Variants in PLEKHG3 observed in about 807,000 individuals in gnomAD.
The protein encoded by PLEKHG3 is pleckstrin homology and RhoGEF domain containing G3.
PLEKHG3 carries 62 observed loss-of-function variants against 94.9 expected under a neutral mutation model. The observed-to-expected ratio is 0.65, with a 90% CI of 0.53 to 0.81. The LOEUF is 0.81. Among genes scored for constraint, PLEKHG3 ranks in the 30% least tolerant of loss-of-function variants. The pLI, the probability that PLEKHG3 is intolerant of heterozygous loss-of-function variation, is 0.00. For synonymous variants in PLEKHG3, 614 were observed against 654.0 expected (o/e 0.94, Z 0.93); for missense variants, 1,461 against 1,619.3 (o/e 0.90, Z 1.68).
rs1487860339 is a variant in PLEKHG3 at position 64,748,529 on chromosome 14, T to A, written c.*4826T>A. Reference sequence around the variant, plus strand: ...AATGGTCTGACCTTGCTGCCCTTCCTGGGACCGCCTGTGGTGGCACAAAGG... The same window carrying A: ...AATGGTCTGACCTTGCTGCCCTTCCAGGGACCGCCTGTGGTGGCACAAAGG... On this transcript the variant is annotated 3_prime_UTR_variant, in exon 17 of 17. Transcript: ENST00000247226. 6.6e-6 allele frequency: 1 copy of A among 152,330 alleles called. No homozygotes were observed. Among genetic ancestry groups the A allele is most frequent in the Non-Finnish European group, 1.5e-5 (1 of 68,126 alleles). The allele number at this position is 152,330 out of a possible 1,614,324, so 9.4% of individuals were successfully genotyped here. A position where few individuals can be genotyped will look rare whatever the true frequency, so the allele number is the denominator to read the frequency against.
Position 64,725,629 on chromosome 14 carries a change from G to A in PLEKHG3, c.-39-1964G>A, listed in dbSNP as rs1343847371. The stretch of plus-strand genomic sequence containing the variant: ...GGCTCTCTTCTGAGCAGCTCAAAGA[G>A]CTTTACCAAAATGATCCTGCTAATT... On this transcript the variant is annotated intron_variant, in intron 1 of 16. Coordinates refer to ENST00000247226, the MANE Select transcript of PLEKHG3 (RefSeq NM_001308147.2). The surrounding 1 kb of genome is among the most constrained non-coding windows in gnomAD (Gnocchi z 5.0). Among the ~76,000 whole-genome samples, 1 of 152,200 alleles carries A rather than the reference G, an allele frequency of 6.6e-6. No individual in the cohort carries two copies. The highest frequency in any genetic ancestry group is 1.5e-5 in the Non-Finnish European group (1 of 68,032).
In PLEKHG3 at chr14:64,749,831, T is replaced by C; in HGVS notation, c.*6128T>C. The C allele has an allele frequency of 6.8e-7, 1 of 1,480,048 alleles. No homozygotes were observed. Among genetic ancestry groups the C allele is most frequent in the East Asian group, 2.4e-5 (1 of 42,188 alleles). 91.7% of individuals were successfully genotyped at this position (1,480,048 alleles called of 1,614,324 possible). On this transcript the variant is annotated 3_prime_UTR_variant, in exon 17 of 17. Transcript: ENST00000247226. This position sits in a 1 kb window ranked among gnomAD's most constrained non-coding sequence, Gnocchi z 4.7. ...AGGCAGCCCAGCACTTTCTGAGAGG[T>C]CAAAGTCTGGACCATCAGCCTCTTT...
In PLEKHG3 at chr14:64,730,117, G is replaced by A. The variant is rs2081430576; in HGVS notation, c.450-126G>A. ...GGCAGGACTCCCTCTGAGGCTAGAA[G>A]CCCCAGTTCTTTAGCAAAGCAATAG... On this transcript the variant is annotated intron_variant, in intron 3 of 16. Coordinates refer to ENST00000247226, the MANE Select transcript of PLEKHG3 (RefSeq NM_001308147.2). The surrounding 1 kb of genome is among the most constrained non-coding windows in gnomAD (Gnocchi z 5.4). 5 of 613,094 alleles carry A rather than the reference G, an allele frequency of 8.2e-6. No homozygotes were observed. The East Asian group carries it at 1.1e-4, about 14-fold the overall frequency. 38.0% of individuals were successfully genotyped at this position (613,094 alleles called of 1,614,324 possible). A position where few individuals can be genotyped will look rare whatever the true frequency, so the allele number is the denominator to read the frequency against.
In PLEKHG3 at chr14:64,741,514, C is replaced by A. The variant is rs770122446; in HGVS notation, c.1997C>A (p.Ser666Tyr). 2.5e-6 allele frequency: 4 copies of A among 1,612,872 alleles called. No individual in the cohort carries two copies. Among genetic ancestry groups the A allele is most frequent in the South Asian group, 1.1e-5 (1 of 91,074 alleles). Residue 666 changes from serine (S) to tyrosine (Y), a missense_variant, in exon 16 of 17, where the codon TCC becomes TAC. By Grantham distance (144) the Ser-to-Tyr change is moderately radical. Transcript: ENST00000247226. ...ACAGACTCCCTCAGCTGTCAGCTCT[C>A]CCCAGAAGTGGACATCAGTGTGGGG... ...SATDSLSCQL[S>Y]PEVDISVGVA...
rs374435856 is a variant in PLEKHG3, at chr14:64,730,744, C to A, written c.567-55C>A. The A allele has an allele frequency of 8.7e-6, 14 of 1,612,128 alleles. 1 individual carries two copies. Among genetic ancestry groups the A allele is most frequent in the Non-Finnish European group, 2.5e-6 (3 of 1,178,416 alleles). ...GCCATTTGGTGAGTCCAGAGCCCCC[C>A]ACTTCCTCATCCAGGCCTTCCCCAG... is the stretch of plus-strand genomic sequence containing the variant. On this transcript the variant is annotated intron_variant, in intron 5 of 16. Transcript: ENST00000247226. This position sits in a 1 kb window ranked among gnomAD's most constrained non-coding sequence, Gnocchi z 5.4.
chr14:64,746,736 G>A lies in PLEKHG3; in HGVS notation c.*3033G>A, dbSNP rs2081849015. On this transcript the variant is annotated 3_prime_UTR_variant, in exon 17 of 17. Transcript: ENST00000247226. The surrounding 1 kb of genome is among the most constrained non-coding windows in gnomAD (Gnocchi z 4.9). ...AGAGTCAGTTGAGGCTGGGACAAAG[G>A]GGAAGGAGAGAGGGAAGGAGGACCG... The A allele has an allele frequency of 6.6e-6, 1 of 152,618 alleles. No homozygotes were observed. Among genetic ancestry groups the A allele is most frequent in the Non-Finnish European group, 1.5e-5 (1 of 68,142 alleles). 9.5% of individuals were successfully genotyped at this position (152,618 alleles called of 1,614,324 possible).
rs2081488497 is a variant in PLEKHG3, at chr14:64,732,551, A to G, written c.1246+91A>G. Reference sequence around the variant, plus strand: ...TGGGGAAGCTTTACCTGATAATTTTATTCCAGGAGCAGGGAGGGCGGGGGT... The same window carrying G: ...TGGGGAAGCTTTACCTGATAATTTTGTTCCAGGAGCAGGGAGGGCGGGGGT... On this transcript the variant is annotated intron_variant, in intron 11 of 16. Coordinates refer to ENST00000247226, the MANE Select transcript of PLEKHG3 (RefSeq NM_001308147.2). The surrounding 1 kb of genome is among the most constrained non-coding windows in gnomAD (Gnocchi z 4.9). The G allele has an allele frequency of 9.0e-7, 1 of 1,108,128 alleles. No homozygotes were observed. The highest frequency in any genetic ancestry group is 1.4e-6 in the Non-Finnish European group (1 of 725,400). 68.6% of individuals were successfully genotyped at this position (1,108,128 alleles called of 1,614,324 possible).
Position 64,744,483 on chromosome 14 carries a change from C to T in PLEKHG3, c.*780C>T, listed in dbSNP as rs1049687813. On this transcript the variant is annotated 3_prime_UTR_variant, in exon 17 of 17. Coordinates refer to ENST00000247226, the MANE Select transcript of PLEKHG3 (RefSeq NM_001308147.2). Reference sequence around the variant, plus strand: ...ACTTGGGCTTATGAAACATAAGGCACCCGGGTACTGGTGGGGGAGGTGGGG... The same window carrying T: ...ACTTGGGCTTATGAAACATAAGGCATCCGGGTACTGGTGGGGGAGGTGGGG... The T allele has an allele frequency of 6.6e-6, 1 of 152,336 alleles. No homozygotes were observed. The highest frequency in any genetic ancestry group is 6.5e-5 in the Admixed American group (1 of 15,278). The allele number at this position is 152,336 out of a possible 1,614,324, so 9.4% of individuals were successfully genotyped here.
Position 64,738,276 on chromosome 14 carries a change from C to A in PLEKHG3, c.1405-466C>A. ...CTCCTTGCATGCTCCCTGGGATGTGCATGCCCACCCGAGGGCCCCCTCTGC... is the reference window on the plus strand; with the variant it reads ...CTCCTTGCATGCTCCCTGGGATGTGAATGCCCACCCGAGGGCCCCCTCTGC... On this transcript the variant is annotated intron_variant, in intron 14 of 16. Coordinates refer to ENST00000247226, the MANE Select transcript of PLEKHG3 (RefSeq NM_001308147.2). This position sits in a 1 kb window ranked among gnomAD's most constrained non-coding sequence, Gnocchi z 4.8. 1 of 1,178,454 alleles carries A rather than the reference C, an allele frequency of 8.5e-7. No individual in the cohort carries two copies. Among genetic ancestry groups the A allele is most frequent in the Non-Finnish European group, 1.1e-6 (1 of 893,764 alleles). 73.0% of individuals were successfully genotyped at this position (1,178,454 alleles called of 1,614,324 possible).
chr14:64,746,848 C>T lies in PLEKHG3; in HGVS notation c.*3145C>T, dbSNP rs1017654577. 5.3e-5 allele frequency: 8 copies of T among 151,612 alleles called. No individual in the cohort carries two copies. Among genetic ancestry groups the T allele is most frequent in the Non-Finnish European group, 7.4e-5 (5 of 67,948 alleles). 9.4% of individuals were successfully genotyped at this position (151,612 alleles called of 1,614,324 possible). On this transcript the variant is annotated 3_prime_UTR_variant, in exon 17 of 17. Coordinates refer to ENST00000247226, the MANE Select transcript of PLEKHG3 (RefSeq NM_001308147.2). This position sits in a 1 kb window ranked among gnomAD's most constrained non-coding sequence, Gnocchi z 4.9. ...GTGTGGACTGGAGCTGTGTCAACCT[C>T]GTTTGGGAATACTGTCAAAAGACTG... is the stretch of plus-strand genomic sequence containing the variant.
rs1357302386 is a variant in PLEKHG3, at chr14:64,731,094, C to T, written c.774C>T (p.Ala258=). 1 of 1,612,852 alleles carries T rather than the reference C, an allele frequency of 6.2e-7. No individual in the cohort carries two copies. The highest frequency in any genetic ancestry group is 8.5e-7 in the Non-Finnish European group (1 of 1,178,956). ...ATGGCTTTGAGGTGGTGGAGGATGC[C>T]ATTGACACCATGACCTGTGTGGCCT... ...EEDGFEVVED[A]IDTMTCVAWY... The change falls in exon 7 of 17, where the codon GCC becomes GCT. Residue 258 remains alanine (A), a synonymous_variant. Coordinates refer to ENST00000247226, the MANE Select transcript of PLEKHG3 (RefSeq NM_001308147.2). This position sits in a 1 kb window ranked among gnomAD's most constrained non-coding sequence, Gnocchi z 6.1.
chr14:64,732,937 C>T lies in PLEKHG3; in HGVS notation c.1345+36C>T. 1 of 1,326,244 alleles carries T rather than the reference C, an allele frequency of 7.5e-7. No individual in the cohort carries two copies. Among genetic ancestry groups the T allele is most frequent in the Non-Finnish European group, 1.1e-6 (1 of 934,004 alleles). 82.2% of individuals were successfully genotyped at this position (1,326,244 alleles called of 1,614,324 possible). On this transcript the variant is annotated intron_variant, in intron 12 of 16. Coordinates refer to ENST00000247226, the MANE Select transcript of PLEKHG3 (RefSeq NM_001308147.2). The surrounding 1 kb of genome is among the most constrained non-coding windows in gnomAD (Gnocchi z 4.9). ...GGCTGTGGAGGCAGGAGGCCTCTCC[C>T]TCACACCCTTGCCCAGACTGGGGAC...
chr14:64,727,464 A>G lies in PLEKHG3; in HGVS notation c.-39-129A>G. 1 of 585,732 alleles carries G rather than the reference A, an allele frequency of 1.7e-6. No homozygotes were observed. Among genetic ancestry groups the G allele is most frequent in the Non-Finnish European group, 3.1e-6 (1 of 327,438 alleles). The allele number at this position is 585,732 out of a possible 1,614,324, so 36.3% of individuals were successfully genotyped here. A position where few individuals can be genotyped will look rare whatever the true frequency, so the allele number is the denominator to read the frequency against. Reference sequence around the variant, plus strand: ...TATCCACAGAACCTTTTCATCTTCTAAAACTGAACTCTGGATGCACTAAAT... The same window carrying G: ...TATCCACAGAACCTTTTCATCTTCTGAAACTGAACTCTGGATGCACTAAAT... On this transcript the variant is annotated intron_variant, in intron 1 of 16. Transcript: ENST00000247226. The surrounding 1 kb of genome is among the most constrained non-coding windows in gnomAD (Gnocchi z 6.0).
chr14:64,727,197 G>C lies in PLEKHG3; in HGVS notation c.-39-396G>C, dbSNP rs1403757562. Among the ~76,000 whole-genome samples, 1 of 152,148 alleles carries C rather than the reference G, an allele frequency of 6.6e-6. No homozygotes were observed. The highest frequency in any genetic ancestry group is 1.9e-4 in the East Asian group (1 of 5,186). On this transcript the variant is annotated intron_variant, in intron 1 of 16. Coordinates refer to ENST00000247226, the MANE Select transcript of PLEKHG3 (RefSeq NM_001308147.2). This position sits in a 1 kb window ranked among gnomAD's most constrained non-coding sequence, Gnocchi z 6.0. ...AGGGACTAAGTACTGTGCCCCAGCA[G>C]TGGGGCTGGGCTGTGAATTCCTTAG...
rs750905898 is a variant in PLEKHG3, at chr14:64,743,594, C to A, written c.3551C>A (p.Ala1184Glu). Residue 1184 changes from alanine (A) to glutamate (E), a missense_variant, in exon 17 of 17, where the codon GCA (alanine) becomes GAA (glutamate). Physicochemically the swap from Ala to Glu is moderately radical, Grantham distance 107 (BLOSUM62 -1). This residue lies in a region of PLEKHG3 where 1,201 missense variants were observed against 1,295.5 expected (regional missense o/e 0.93). Coordinates refer to ENST00000247226, the MANE Select transcript of PLEKHG3 (RefSeq NM_001308147.2). This position sits in a 1 kb window ranked among gnomAD's most constrained non-coding sequence, Gnocchi z 7.2. ...CAGGTTCAGGACTTCCAGCAGTCTG[C>A]AGAGTGCCAGCCGAAGGAAGAGGGT... ...LGQVQDFQQSAECQPKEEGSR... is the reference protein window; with the variant it reads ...LGQVQDFQQSEECQPKEEGSR... The A allele has an allele frequency of 2.5e-6, 4 of 1,612,948 alleles. No homozygotes were observed. The South Asian group carries it at 4.4e-5, about 18-fold the overall frequency.
At position 64,738,429 on chromosome 14, in the gene PLEKHG3, G is replaced by A. The variant is rs1044238300; in HGVS notation, c.1405-313G>A. ...AGTACTGGGCACTAATCAATATAACGCCCAACAAGCATGACAAGTGGGGTG... is the reference window on the plus strand; with the variant it reads ...AGTACTGGGCACTAATCAATATAACACCCAACAAGCATGACAAGTGGGGTG... On this transcript the variant is annotated intron_variant, in intron 14 of 16. Coordinates refer to ENST00000247226, the MANE Select transcript of PLEKHG3 (RefSeq NM_001308147.2). The surrounding 1 kb of genome is among the most constrained non-coding windows in gnomAD (Gnocchi z 4.8). 6.6e-6 allele frequency among the ~76,000 whole-genome samples: 1 copy of A among 152,154 alleles called. No individual in the cohort carries two copies. Among genetic ancestry groups the A allele is most frequent in the Admixed American group, 6.5e-5 (1 of 15,280 alleles).
In PLEKHG3 at chr14:64,731,749, C is replaced by T. The variant is rs1289898360; in HGVS notation, c.1068C>T (p.Asp356=). 5 of 1,613,648 alleles carry T rather than the reference C, an allele frequency of 3.1e-6. No individual in the cohort carries two copies. In the Admixed American group the frequency reaches 6.7e-5, roughly 22 times the overall value. The change falls in exon 9 of 17, where the codon GAC becomes GAT. Residue 356 remains aspartate, a synonymous_variant. Transcript: ENST00000247226. This position sits in a 1 kb window ranked among gnomAD's most constrained non-coding sequence, Gnocchi z 6.1. ...TGATGCTGATCGAAAGCACCAGAGA[C>T]TCCCTGTGCTTCACTGTCACCCACT... The part of the protein sequence containing the change: ...SSLMLIESTR[D]SLCFTVTHYK...
intron 1 of PLEKHG3, among the ~76,000 whole-genome samples, chr14:64,709,779 G>A (rs937360441): frequency 1.0e-4 from 15 of 150,566 alleles, no homozygotes; most frequent in Non-Finnish European, 2.2e-4. Flanking sequence ...TATTAGAAAG[G>A]AACCAGTATT....
In PLEKHG3 at chr14:64,749,493, G is replaced by C; in HGVS notation, c.*5790G>C. ...CTCCTCCTGCGGGGCGGAGGGTCAC[G>C]GTGGAGTCTGGAGGCCCACAGCCCC... is the stretch of plus-strand genomic sequence containing the variant. On this transcript the variant is annotated 3_prime_UTR_variant, in exon 17 of 17. Transcript: ENST00000247226. This position sits in a 1 kb window ranked among gnomAD's most constrained non-coding sequence, Gnocchi z 4.7. 3 of 1,598,078 alleles carry C rather than the reference G, an allele frequency of 1.9e-6. No homozygotes were observed. Among genetic ancestry groups the C allele is most frequent in the East Asian group, 4.5e-5 (2 of 44,784 alleles).
Sources: allele counts gnomAD v4.1 joint callset (sites outside exome capture counted in the v4.1 genomes callset), GRCh38; gene constraint gnomAD v4.1.1; regional missense constraint gnomAD v4.1.1; non-coding constraint Gnocchi (gnomAD v3.1); transcripts MANE v1.5; gene names NCBI Gene and HGNC (gene_info 2026-07-23, HGNC 2026-07-21).